CATSPERB: variants seen among roughly 807,000 people sequenced by gnomAD.
CATSPERB encodes the protein catsper channel auxiliary subunit beta.
CATSPERB carries 93 observed loss-of-function variants against 128.3 expected under a neutral mutation model. That is an observed-to-expected ratio of 0.72 (90% CI 0.61 to 0.86). The LOEUF (loss-of-function observed/expected upper bound fraction) is 0.86. Among genes scored for constraint, CATSPERB ranks in the 40% least tolerant of loss-of-function variants. The probability of loss-of-function intolerance (pLI) is 0.00; values close to 1 mark genes in which losing one functional copy is unlikely to be tolerated. For missense variants in CATSPERB, 1,153 were observed against 1,329.5 expected (o/e 0.87, Z 2.06); for synonymous variants, 381 against 448.8 (o/e 0.85, Z 1.91).
intron 22 of CATSPERB, among the ~76,000 whole-genome samples, chr14:91,603,968 T>G (rs1410696637): frequency 6.8e-6 from 1 of 147,152 alleles, no homozygotes; most frequent in Admixed American, 6.8e-5. Flanking sequence ...TTCATCTATT[T>G]TTTTTTTTTT....
intron 26 of CATSPERB, among the ~76,000 whole-genome samples, chr14:91,582,378 T>A (rs1893220438): frequency 6.6e-6 from 1 of 152,198 alleles, no homozygotes; most frequent in African/African-American, 2.4e-5. Flanking sequence ...TCCAGCCAAA[T>A]GGATTTGAGC....
At chr14:91,722,057 A>T (rs1377231443) in intron 4 of CATSPERB, among the ~76,000 whole-genome samples, 3 of 152,110 alleles carry the variant, frequency 2.0e-5, no homozygotes, top group Non-Finnish European at 4.4e-5. Context: ...GAAAGAAAGA[A>T]AAGAAATTGG....
Position 91,617,715 on chromosome 14 carries a change from G to A in CATSPERB, c.2282C>T (p.Pro761Leu). The A allele has an allele frequency of 6.3e-7, 1 of 1,596,824 alleles. No individual in the cohort carries two copies. The highest frequency in any genetic ancestry group is 1.2e-5 in the South Asian group (1 of 86,820). The change falls in exon 20 of 27, where the codon CCA becomes CTA. Residue 761 changes from proline (P) to leucine (L), a missense_variant. Physicochemically the swap from Pro to Leu is moderately conservative, Grantham distance 98 (BLOSUM62 -3). Transcript: ENST00000256343. Reference protein sequence around the residue: ...NAKGFRMLEIPLLTVFVGNPN... With the variant: ...NAKGFRMLEILLLTVFVGNPN... ...GTTTCCAACAAACACAGTCAGTAGT[G>A]GTATTTCAAGCATTCGAAAACCTAT... is the stretch of plus-strand genomic sequence containing the variant.
chr14:91,585,786 G>T (rs1388495424), intron 26 of CATSPERB, among the ~76,000 whole-genome samples: 1 of 152,230 alleles, frequency 6.6e-6, no homozygotes, highest in Non-Finnish European at 1.5e-5. Flanking sequence ...AGTAATATCA[G>T]ATTGTATCCT....
At chr14:91,688,258 G>A (rs891508155) in intron 10 of CATSPERB, among the ~76,000 whole-genome samples, 6 of 152,102 alleles carry the variant, frequency 3.9e-5, no homozygotes, top group Admixed American at 1.3e-4. Flanking sequence ...TTAAGTAGAC[G>A]GTAGATGTTG....
chr14:91,671,049 G>A (rs1388670013), intron 13 of CATSPERB, among the ~76,000 whole-genome samples: 1 of 152,152 alleles, frequency 6.6e-6, no homozygotes. Flanking sequence ...GCTGAAGACT[G>A]TTGAGATTCA....
chr14:91,723,339 T>C, intron 3 of CATSPERB, 150 bp from the exon 4 acceptor site: 1 of 471,902 alleles, frequency 2.1e-6, no homozygotes, highest in Non-Finnish European at 3.5e-6. Context: ...CTCAGTAACC[T>C]ATTATGCTAG....
At position 91,636,457 on chromosome 14, in the gene CATSPERB, G is replaced by A; in HGVS notation, c.1710C>T (p.Gly570=). The A allele has an allele frequency of 6.2e-7, 1 of 1,614,024 alleles. No individual in the cohort carries two copies. The highest frequency in any genetic ancestry group is 8.5e-7 in the Non-Finnish European group (1 of 1,179,970). ...GTATCACTTTTCCATAGTGTATATT[G>A]CCGAACTTCTTGCTGTAGATCGTTT... The part of the protein sequence containing the change: ...PQETIYSKKF[G]NIHYGKVIHS... The change falls in exon 17 of 27, where the codon GGC becomes GGT. Residue 570 remains glycine, a synonymous_variant. Coordinates refer to ENST00000256343, the MANE Select transcript of CATSPERB (RefSeq NM_024764.4).
At chr14:91,673,071 T>C (rs1281899042) in intron 12 of CATSPERB, 55 bp from the exon 13 acceptor site, 14 of 1,440,784 alleles carry the variant, frequency 9.7e-6, no homozygotes, top group Non-Finnish European at 1.3e-5. Flanking sequence ...AAGTTCTAAT[T>C]CTCTTAGTGA....
chr14:91,688,107 T>A (rs1196887838), intron 10 of CATSPERB, among the ~76,000 whole-genome samples: 1 of 152,200 alleles, frequency 6.6e-6, no homozygotes, highest in Non-Finnish European at 1.5e-5. Context: ...TTGAAATGTC[T>A]GTTCTTTTTC....
At chr14:91,627,133 TA>T (rs1474017055) in intron 17 of CATSPERB, among the ~76,000 whole-genome samples, 1 of 152,224 alleles carries the variant, frequency 6.6e-6, no homozygotes, top group Non-Finnish European at 1.5e-5. Flanking sequence ...ATGACAGTGT[TA>T]AGCAGTGAAC....
chr14:91,681,998 A>G (rs1321428281), intron 11 of CATSPERB, among the ~76,000 whole-genome samples: 4 of 152,226 alleles, frequency 2.6e-5, no homozygotes, highest in East Asian at 1.9e-4. Context: ...GTAGTCATGA[A>G]TACATTATTT....
chr14:91,639,039 G>A (rs1296078329), intron 16 of CATSPERB, 57 bp downstream of exon 16: 1 of 1,412,966 alleles, frequency 7.1e-7, no homozygotes. Context: ...TCTATGTATT[G>A]AATGTGGCAT....
chr14:91,656,696 A>G (rs1894793307), intron 15 of CATSPERB, among the ~76,000 whole-genome samples: 1 of 152,130 alleles, frequency 6.6e-6, no homozygotes, highest in Non-Finnish European at 1.5e-5. Context: ...TAAACTCTCC[A>G]ATCAAAAGAC....
chr14:91,632,296 A>G (rs1197400661), intron 17 of CATSPERB, among the ~76,000 whole-genome samples: 1 of 152,170 alleles, frequency 6.6e-6, no homozygotes, highest in East Asian at 1.9e-4. Flanking sequence ...ATGTATCAAT[A>G]ACAAAAAAAG....
At chr14:91,705,821 C>T (rs1181919832) in intron 6 of CATSPERB, among the ~76,000 whole-genome samples, 1 of 152,162 alleles carries the variant, frequency 6.6e-6, no homozygotes, top group Non-Finnish European at 1.5e-5. Context: ...GACAATGAGC[C>T]TTTCGAAAGA....
chr14:91,675,293 A>C (rs1442083819), intron 11 of CATSPERB, among the ~76,000 whole-genome samples: 3 of 152,236 alleles, frequency 2.0e-5, no homozygotes, highest in Admixed American at 6.5e-5. Context: ...TTTTCCTGGC[A>C]GCTGCTGAGA....
chr14:91,603,024 T>G, intron 22 of CATSPERB: 1 of 778,280 alleles, frequency 1.3e-6, no homozygotes, highest in Non-Finnish European at 2.4e-6. Context: ...GCAGTATTAG[T>G]GAGTGATGTG....
chr14:91,718,002 A>G (rs942705718), intron 5 of CATSPERB, among the ~76,000 whole-genome samples: 1 of 152,162 alleles, frequency 6.6e-6, no homozygotes, highest in Non-Finnish European at 1.5e-5. Flanking sequence ...TTCTCGTATC[A>G]TCTTTGTTCC....
Sources: allele counts gnomAD v4.1 joint callset (sites outside exome capture counted in the v4.1 genomes callset), GRCh38; gene constraint gnomAD v4.1.1; transcripts MANE v1.5; gene names NCBI Gene and HGNC (gene_info 2026-07-23, HGNC 2026-07-21).